Variants in RAP1GAP observed in about 807,000 individuals in gnomAD.
RAP1GAP encodes the protein RAP1 GTPase activating protein.
RAP1GAP carries 35 observed loss-of-function variants against 87.2 expected under a neutral mutation model. That is an observed-to-expected ratio of 0.40 (90% confidence interval 0.31 to 0.53). The LOEUF (loss-of-function observed/expected upper bound fraction) is 0.53. Ranked by LOEUF, RAP1GAP falls within the 20% of genes least tolerant of loss-of-function variation. The pLI is 0.48. For missense variants in RAP1GAP, 734 were observed against 898.9 expected, an observed-to-expected ratio of 0.82 and a Z score of 2.35; for synonymous variants, 375 against 363.9, an observed-to-expected ratio of 1.03 and a Z score of -0.35.
intron 2 of RAP1GAP, among the ~76,000 whole-genome samples, chr1:21,628,956 C>A (rs1390138870): frequency 6.6e-6 from 1 of 151,830 alleles, no homozygotes; most frequent in African/African-American, 2.4e-5. Flanking sequence ...TCCACTGAGG[C>A]TCCCATGGGG....
intron 1 of RAP1GAP, among the ~76,000 whole-genome samples, chr1:21,660,349 T>TATATATATATATATATATATATATATATA (rs1257256841): frequency 9.3e-5 from 6 of 64,352 alleles, no homozygotes; most frequent in Non-Finnish European, 2.0e-4. Flanking sequence ...CTATATATAT[T>TATATATATATATATATATATATATATATA]TATTGAGACA....
At chr1:21,626,812 C>T (rs1307076340) in intron 2 of RAP1GAP, 1 of 445,032 alleles carries the variant, frequency 2.2e-6, no homozygotes, top group East Asian at 7.0e-5. Flanking sequence ...AGGGCTACCG[C>T]TATTACGAAT....
rs959335852 is a variant in RAP1GAP at position 21,622,670 on chromosome 1, G to T, written c.-18-2620C>A. 6.7e-6 allele frequency: 1 copy of T among 149,730 alleles called. No homozygotes were observed. The highest frequency in any genetic ancestry group is 2.4e-5 in the African/African-American group (1 of 41,132). The allele number at this position is 149,730 out of a possible 1,614,324, so 9.3% of individuals were successfully genotyped here. The stretch of plus-strand genomic sequence containing the variant: ...ACGCCCCCCGGGCGGCCCGGCCCGC[G>T]GCCCCGGGACACCGCGCCTGCGCGT... On this transcript the variant is annotated intron_variant, in intron 3 of 24. Transcript: ENST00000374765. The surrounding 1 kb of genome is among the most constrained non-coding windows in gnomAD (Gnocchi z 5.7).
intron 23 of RAP1GAP, 87 bp downstream of exon 23, chr1:21,597,874 G>T: frequency 1.3e-6 from 2 of 1,498,890 alleles, no homozygotes; most frequent in Non-Finnish European, 1.8e-6. Flanking sequence ...GGACCTCTTG[G>T]TCGAGCCTCA....
chr1:21,667,289 A>G (rs2097396054), intron 1 of RAP1GAP, among the ~76,000 whole-genome samples: 1 of 152,194 alleles, frequency 6.6e-6, no homozygotes, highest in African/African-American at 2.4e-5. Flanking sequence ...CCTGAGGCCT[A>G]AGTGGCAGAG....
In RAP1GAP at chr1:21,669,244, G is replaced by A; in HGVS notation, c.-149+10C>T. 8.0e-7 allele frequency: 1 copy of A among 1,251,368 alleles called. No individual in the cohort carries two copies. The allele number at this position is 1,251,368 out of a possible 1,614,324, so 77.5% of individuals were successfully genotyped here. ...TTTCCAGGGCCGCAGCCCTGGCGGG[G>A]CGCACTCACCCAAGGGCCTGGGCCG... On this transcript the variant is annotated intron_variant, in intron 1 of 24. Coordinates refer to ENST00000374765, the MANE Select transcript of RAP1GAP (RefSeq NM_002885.4). This position sits in a 1 kb window ranked among gnomAD's most constrained non-coding sequence, Gnocchi z 5.6.
intron 20 of RAP1GAP, among the ~76,000 whole-genome samples, chr1:21,600,937 G>T (rs1023278069): frequency 7.6e-5 from 11 of 144,026 alleles, no homozygotes; most frequent in Admixed American, 1.4e-4. Context: ...CTATAAGCCA[G>T]TGTCTGCCCA....
chr1:21,669,338 G>T lies in RAP1GAP; in HGVS notation c.-233C>A, dbSNP rs1031925378. On this transcript the variant is annotated 5_prime_UTR_variant, in exon 1 of 25. Coordinates refer to ENST00000374765, the MANE Select transcript of RAP1GAP (RefSeq NM_002885.4). The surrounding 1 kb of genome is among the most constrained non-coding windows in gnomAD (Gnocchi z 5.6). The stretch of plus-strand genomic sequence containing the variant: ...GCAGCTCTGCTCAGATGCGGCCGGC[G>T]CTCGCCGCCGCCGCAGTTCGGGGAG... 2.8e-5 allele frequency: 30 copies of T among 1,076,576 alleles called. No homozygotes were observed. The highest frequency in any genetic ancestry group is 3.4e-5 in the Non-Finnish European group (30 of 884,354). 66.7% of individuals were successfully genotyped at this position (1,076,576 alleles called of 1,614,324 possible).
intron 2 of RAP1GAP, among the ~76,000 whole-genome samples, chr1:21,627,248 A>G (rs762084226): frequency 1.3e-5 from 2 of 152,134 alleles, no homozygotes; most frequent in Admixed American, 6.5e-5. Flanking sequence ...CTCAGGTCCC[A>G]TCAAGAGAGG....
At chr1:21,646,931 C>T (rs564008368) in intron 2 of RAP1GAP, among the ~76,000 whole-genome samples, 1 of 152,310 alleles carries the variant, frequency 6.6e-6, no homozygotes, top group South Asian at 2.1e-4. Flanking sequence ...ATGATCACAT[C>T]TGGCCTCTAC....
At chr1:21,637,077 G>A (rs533535378) in intron 2 of RAP1GAP, among the ~76,000 whole-genome samples, 7 of 152,076 alleles carry the variant, frequency 4.6e-5, no homozygotes, top group Admixed American at 3.3e-4. Flanking sequence ...GTGTGGGAAC[G>A]GGAGGAGCGG....
At chr1:21,629,142 T>G (rs1459546316) in intron 2 of RAP1GAP, among the ~76,000 whole-genome samples, 1 of 152,174 alleles carries the variant, frequency 6.6e-6, no homozygotes, top group Non-Finnish European at 1.5e-5. Context: ...GAATTTAAAG[T>G]ACATGCCCTA....
Position 21,640,885 on chromosome 1 carries a change from G to A in RAP1GAP, c.-113+8876C>T, listed in dbSNP as rs575702682. 1.8e-4 allele frequency among the ~76,000 whole-genome samples: 28 copies of A among 152,154 alleles called. No individual in the cohort carries two copies. In the South Asian group the frequency reaches 3.1e-3, roughly 17 times the overall value. ...TGCCCACACTCCCCACCACCCCACC[G>A]GGCCTGTCTTGTGGGCAGCAGTTAT... On this transcript the variant is annotated intron_variant, in intron 2 of 24. Coordinates refer to ENST00000374765, the MANE Select transcript of RAP1GAP (RefSeq NM_002885.4).
intron 5 of RAP1GAP, 129 bp downstream of exon 5, chr1:21,618,896 C>T (rs12143471): frequency 0.13 from 138,663 of 1,095,156 alleles, 9,824 homozygotes; most frequent in South Asian, 0.19. Flanking sequence ...CCCCTACCCC[C>T]GCACCTGGCA....
chr1:21,655,670 C>T (rs561221303), intron 1 of RAP1GAP, among the ~76,000 whole-genome samples: 1 of 152,376 alleles, frequency 6.6e-6, no homozygotes, highest in South Asian at 2.1e-4. Context: ...GGCCCTCCCT[C>T]TGAGAGGAAG....
At chr1:21,663,027 C>T (rs184805077) in intron 1 of RAP1GAP, among the ~76,000 whole-genome samples, 27 of 152,330 alleles carry the variant, frequency 1.8e-4, no homozygotes, top group African/African-American at 6.3e-4. Context: ...CACTTCCCAC[C>T]CTGACTGCCA....
At chr1:21,597,333 C>G (rs1047699635) in intron 24 of RAP1GAP, 69 bp from the exon 25 acceptor site, 2 of 242,552 alleles carry the variant, frequency 8.2e-6, no homozygotes, top group African/African-American at 4.5e-5. Flanking sequence ...CAGTGTGCCC[C>G]AACTCTGCCA....
chr1:21,643,063 T>C (rs2095669409), intron 2 of RAP1GAP, among the ~76,000 whole-genome samples: 1 of 152,074 alleles, frequency 6.6e-6, no homozygotes, highest in Non-Finnish European at 1.5e-5. Flanking sequence ...AACCACCTCT[T>C]TCCTTATGAC....
At chr1:21,619,576 C>T (rs567531963) in intron 4 of RAP1GAP, among the ~76,000 whole-genome samples, 12 of 152,110 alleles carry the variant, frequency 7.9e-5, no homozygotes, top group Admixed American at 1.3e-4. Context: ...GAAACGCAGA[C>T]GGGGCTGTGG....
Sources: allele counts gnomAD v4.1 joint callset (sites outside exome capture counted in the v4.1 genomes callset), GRCh38; gene constraint gnomAD v4.1.1; non-coding constraint Gnocchi (gnomAD v3.1); transcripts MANE v1.5; gene names NCBI Gene and HGNC (gene_info 2026-07-23, HGNC 2026-07-21).